Variants in GRID2 observed in about 807,000 individuals in gnomAD.
The protein encoded by GRID2 is glutamate receptor ionotropic, delta-2.
GRID2 carries 33 observed loss-of-function variants against 114.8 expected under a neutral mutation model. The observed-to-expected ratio is 0.29, with a 90% CI of 0.22 to 0.38. The LOEUF (loss-of-function observed/expected upper bound fraction) is 0.38, where lower values mean the gene tolerates loss of function less well. GRID2 is among the 10% of genes least tolerant of loss of function. The probability of loss-of-function intolerance (pLI) is 1.00; values close to 1 mark genes in which losing one functional copy is unlikely to be tolerated. For synonymous variants in GRID2, 505 were observed against 449.9 expected (o/e 1.12, Z -1.55); for missense variants, 1,184 against 1,257.7 (o/e 0.94, Z 0.89).
chr4:92,561,729 T>C (rs1386641479), intron 1 of GRID2, among the ~76,000 whole-genome samples: 1 of 152,278 alleles, frequency 6.6e-6, no homozygotes, highest in East Asian at 1.9e-4. Context: ...TTACATTAGT[T>C]CTAATTTTGA....
chr4:92,362,154 G>A (rs1436180486), intron 1 of GRID2, among the ~76,000 whole-genome samples: 1 of 152,010 alleles, frequency 6.6e-6, no homozygotes, highest in African/African-American at 2.4e-5. Flanking sequence ...ATACAATAAT[G>A]TCACCATTGC....
chr4:93,078,100 C>T (rs1729497019), intron 2 of GRID2, among the ~76,000 whole-genome samples: 1 of 152,178 alleles, frequency 6.6e-6, no homozygotes, highest in Admixed American at 6.5e-5. Flanking sequence ...CTTTGCACTC[C>T]AGCCACTTGG....
chr4:92,719,403 C>T (rs576029099), intron 2 of GRID2, among the ~76,000 whole-genome samples: 26 of 152,148 alleles, frequency 1.7e-4, no homozygotes, highest in South Asian at 6.2e-4. Flanking sequence ...GTTCCTTGTA[C>T]GGTGATTTTC....
intron 5 of GRID2, among the ~76,000 whole-genome samples, chr4:93,212,064 A>C (rs1191506403): frequency 1.3e-5 from 2 of 152,130 alleles, no homozygotes; most frequent in East Asian, 3.9e-4. Flanking sequence ...AAAAGAAAAA[A>C]AAAACATGGA....
rs867315809 is a variant in GRID2, at chr4:92,699,630, G to C, written c.244+109344G>C. ...TTTGAAAATAATTTTCGTTGCTGTTGTATAGCTGAATAACATGAGCACAAA... is the reference window on the plus strand; with the variant it reads ...TTTGAAAATAATTTTCGTTGCTGTTCTATAGCTGAATAACATGAGCACAAA... On this transcript the variant is annotated intron_variant, in intron 2 of 15. Coordinates refer to ENST00000282020, the MANE Select transcript of GRID2 (RefSeq NM_001510.4). Among the ~76,000 whole-genome samples the C allele has an allele frequency of 3.9e-5, 6 of 152,040 alleles. No homozygotes were observed. In the South Asian group the frequency reaches 6.2e-4, roughly 16 times the overall value.
intron 3 of GRID2, 61 bp from the exon 4 acceptor site, chr4:93,110,687 C>T: frequency 9.3e-7 from 1 of 1,080,940 alleles, no homozygotes; most frequent in Non-Finnish European, 1.4e-6. Flanking sequence ...GGTGAAATAG[C>T]TTATGCCTTC....
rs79426211 is a variant in GRID2, at chr4:92,866,427, C to T, written c.245-218568C>T. Among the ~76,000 whole-genome samples the T allele has an allele frequency of 2.4e-4, 36 of 152,272 alleles. No individual in the cohort carries two copies. In the East Asian group the frequency reaches 5.2e-3, roughly 22 times the overall value. ...AGTATTCACTTTTGTGCCTTCTTTG[C>T]CTTGTCCCATGCCTAGGAAATAAGT... On this transcript the variant is annotated intron_variant, in intron 2 of 15. Transcript: ENST00000282020.
chr4:93,700,617 C>T (rs542439776), intron 14 of GRID2, among the ~76,000 whole-genome samples: 2 of 152,258 alleles, frequency 1.3e-5, no homozygotes, highest in African/African-American at 4.8e-5. Context: ...AGCTGTTCCT[C>T]TCTCTTTTTC....
chr4:93,483,139 A>C (rs1159599841), intron 11 of GRID2, among the ~76,000 whole-genome samples: 2 of 151,978 alleles, frequency 1.3e-5, no homozygotes, highest in Non-Finnish European at 2.9e-5. Flanking sequence ...CTTCCACACA[A>C]ATTCCAACAA....
intron 4 of GRID2, among the ~76,000 whole-genome samples, chr4:93,145,675 T>A (rs867853787): frequency 1.7e-5 from 2 of 118,108 alleles, no homozygotes; most frequent in African/African-American, 3.4e-5. Flanking sequence ...TTTTTTTTTT[T>A]AGTAGAGATG....
intron 14 of GRID2, among the ~76,000 whole-genome samples, chr4:93,656,572 T>C (rs567578951): frequency 2.6e-5 from 4 of 152,104 alleles, no homozygotes; most frequent in Non-Finnish European, 5.9e-5. Context: ...GGCTCACGTC[T>C]GTAATCCCAG....
At chr4:92,966,328 G>A (rs1046998333) in intron 2 of GRID2, among the ~76,000 whole-genome samples, 2 of 151,834 alleles carry the variant, frequency 1.3e-5, no homozygotes, top group African/African-American at 4.8e-5. Flanking sequence ...GTGAGGGGTC[G>A]ACCCTTCGGC....
chr4:92,607,923 G>C (rs1371379947), intron 2 of GRID2, among the ~76,000 whole-genome samples: 1 of 151,840 alleles, frequency 6.6e-6, no homozygotes, highest in Non-Finnish European at 1.5e-5. Flanking sequence ...TTCTGTGAAG[G>C]AGAAACAAAA....
chr4:93,441,427 A>G (rs1560622535), intron 10 of GRID2, among the ~76,000 whole-genome samples: 1 of 152,078 alleles, frequency 6.6e-6, no homozygotes, highest in Non-Finnish European at 1.5e-5. Flanking sequence ...AAAGAGAATA[A>G]TAAAAATTTA....
intron 11 of GRID2, among the ~76,000 whole-genome samples, chr4:93,467,468 A>C (rs148096061): frequency 1.3e-5 from 2 of 152,334 alleles, no homozygotes; most frequent in African/African-American, 4.8e-5. Flanking sequence ...TGACTTCTTC[A>C]CATAATTATC....
At chr4:93,060,765 T>C (rs945115462) in intron 2 of GRID2, among the ~76,000 whole-genome samples, 2 of 152,170 alleles carry the variant, frequency 1.3e-5, no homozygotes, top group Non-Finnish European at 2.9e-5. Context: ...GGCTAGTTAA[T>C]TTAAATGCAA....
At chr4:92,676,340 C>A (rs1055518104) in intron 2 of GRID2, among the ~76,000 whole-genome samples, 5 of 151,852 alleles carry the variant, frequency 3.3e-5, no homozygotes, top group African/African-American at 1.2e-4. Context: ...CCACAACGCC[C>A]GGCTAATTTG....
chr4:93,313,294 C>T (rs1756223125), intron 8 of GRID2, among the ~76,000 whole-genome samples: 1 of 152,174 alleles, frequency 6.6e-6, no homozygotes, highest in Non-Finnish European at 1.5e-5. Context: ...TGACTCTTTT[C>T]TCCTTCAGTA....
At chr4:93,618,741 G>T (rs527625273) in intron 13 of GRID2, among the ~76,000 whole-genome samples, 75 of 152,276 alleles carry the variant, frequency 4.9e-4, no homozygotes, top group Non-Finnish European at 9.7e-4. Context: ...TTCCCTGCAG[G>T]TTGCACTTGT....
Sources: gnomAD v4.1 joint callset for allele counts (sites outside exome capture counted in the v4.1 genomes callset) on GRCh38, gnomAD v4.1.1 for gene constraint, MANE v1.5 for transcripts, NCBI Gene and HGNC (gene_info 2026-07-23, HGNC 2026-07-21) for gene names.